Variants in PARN observed in about 807,000 individuals in gnomAD.
The protein encoded by PARN is poly(A)-specific ribonuclease PARN.
In PARN, 71 loss-of-function variants were observed where a neutral mutation model predicts 102.8. The observed-to-expected ratio is 0.69, with a 90% confidence interval of 0.57 to 0.84. The LOEUF (loss-of-function observed/expected upper bound fraction) is 0.84, where lower values mean the gene tolerates loss of function less well. Ranked by LOEUF, PARN falls within the 40% of genes least tolerant of loss-of-function variation. PARN has a pLI of 0.00. For synonymous variants in PARN, 261 were observed against 252.9 expected, an observed-to-expected ratio of 1.03 and a Z score of -0.30; for missense variants, 782 against 760.9, an observed-to-expected ratio of 1.03 and a Z score of -0.33.
chr16:14,568,314 G>A (rs1233161571), intron 18 of PARN, among the ~76,000 whole-genome samples: 1 of 150,642 alleles, frequency 6.6e-6, no homozygotes, highest in Non-Finnish European at 1.5e-5. Context: ...CCGGGTTCAA[G>A]CGATTCTTCC....
intron 22 of PARN, among the ~76,000 whole-genome samples, chr16:14,448,704 T>A (rs538510801): frequency 6.6e-6 from 1 of 152,236 alleles, no homozygotes; most frequent in African/African-American, 2.4e-5. Context: ...GTGCACTTGA[T>A]AGGACACTCA....
chr16:14,607,188 G>C (rs1971239476), intron 9 of PARN, among the ~76,000 whole-genome samples: 1 of 152,014 alleles, frequency 6.6e-6, no homozygotes, highest in Non-Finnish European at 1.5e-5. Context: ...AACTGAAATT[G>C]TGAAAGTCTT....
At chr16:14,542,309 T>C (rs1410711897) in intron 21 of PARN, among the ~76,000 whole-genome samples, 2 of 151,942 alleles carry the variant, frequency 1.3e-5, no homozygotes, top group Non-Finnish European at 2.9e-5. Flanking sequence ...CCTGGGCTTT[T>C]TTTTTTTTCT....
At chr16:14,475,051 C>G (rs766322958) in intron 22 of PARN, among the ~76,000 whole-genome samples, 3 of 152,134 alleles carry the variant, frequency 2.0e-5, no homozygotes, top group Non-Finnish European at 4.4e-5. Flanking sequence ...AGCAGGAATT[C>G]GGAGAGCTAC....
intron 18 of PARN, among the ~76,000 whole-genome samples, chr16:14,563,518 GTGTGTA>G (rs1337433642): frequency 1.8e-4 from 12 of 68,082 alleles, no homozygotes; most frequent in South Asian, 1.5e-3. Flanking sequence ...GTGTGTGTGT[GTGTGTA>G]TATAATTCTT....
At chr16:14,624,856 A>G (rs1972543953) in intron 5 of PARN, among the ~76,000 whole-genome samples, 1 of 152,192 alleles carries the variant, frequency 6.6e-6, no homozygotes, top group Non-Finnish European at 1.5e-5. Context: ...TTTCAAGACC[A>G]GCCTGACCAA....
chr16:14,505,502 C>T (rs925406652), intron 21 of PARN, among the ~76,000 whole-genome samples: 3 of 152,110 alleles, frequency 2.0e-5, no homozygotes. Flanking sequence ...CACACACACA[C>T]ATACACACAC....
chr16:14,533,414 GGGGAGACGGAGAGGGAGA>G (rs1567356272), intron 21 of PARN, among the ~76,000 whole-genome samples: 3 of 125,842 alleles, frequency 2.4e-5, no homozygotes, highest in Non-Finnish European at 3.3e-5. Context: ...GGGAGACCGT[GGGGAGACGGAGAGGGAGA>G]GGGAGAGGGA....
At chr16:14,604,102 T>C (rs1180498050) in intron 11 of PARN, 44 bp downstream of exon 11, 1 of 1,055,834 alleles carries the variant, frequency 9.5e-7, no homozygotes, top group Admixed American at 2.0e-5. Flanking sequence ...TCAATATTTA[T>C]GTTGCCATTT....
chr16:14,475,006 C>A (rs1026833521), intron 22 of PARN, among the ~76,000 whole-genome samples: 1 of 152,126 alleles, frequency 6.6e-6, no homozygotes. Context: ...ATCCAAAAAC[C>A]ACAGCTTTGA....
At chr16:14,603,195 T>C (rs1270991030) in intron 11 of PARN, among the ~76,000 whole-genome samples, 2 of 152,126 alleles carry the variant, frequency 1.3e-5, no homozygotes, top group Non-Finnish European at 2.9e-5. Context: ...AAAGTAGTGC[T>C]GCGATTACAG....
chr16:14,475,506 C>T (rs188922292), intron 22 of PARN, among the ~76,000 whole-genome samples: 29 of 152,262 alleles, frequency 1.9e-4, no homozygotes, highest in Admixed American at 5.2e-4. Context: ...CTCTTTTTTC[C>T]GGTTAACTAT....
intron 18 of PARN, among the ~76,000 whole-genome samples, chr16:14,557,273 A>G (rs1181109035): frequency 6.6e-6 from 1 of 151,914 alleles, no homozygotes; most frequent in Non-Finnish European, 1.5e-5. Flanking sequence ...TCAAAAGCCA[A>G]GCAGGGCCAG....
intron 22 of PARN, among the ~76,000 whole-genome samples, chr16:14,451,508 G>C (rs1000400656): frequency 6.6e-6 from 1 of 152,072 alleles, no homozygotes; most frequent in Non-Finnish European, 1.5e-5. Context: ...AACATTCTAA[G>C]TGAATGAAGC....
intron 21 of PARN, among the ~76,000 whole-genome samples, chr16:14,541,516 C>T (rs1027359872): frequency 3.9e-5 from 6 of 152,182 alleles, no homozygotes; most frequent in Non-Finnish European, 7.3e-5. Flanking sequence ...CGCTCTGTCA[C>T]CCAGGCTGGA....
rs1311707245 is a variant in PARN, at chr16:14,510,261, A to G, written c.1481-27434T>C. Among the ~76,000 whole-genome samples the G allele has an allele frequency of 5.9e-5, 9 of 152,380 alleles. No homozygotes were observed. In the South Asian group the frequency reaches 8.3e-4, roughly 14 times the overall value. ...ATGGGGTGATTAGTTTTGCCAAAAA[A>G]TAAGTCAACAAAAACTGCAGAAAAA... is the stretch of plus-strand genomic sequence containing the variant. On this transcript the variant is annotated intron_variant, in intron 21 of 23. Transcript: ENST00000437198.
chr16:14,457,906 G>T lies in PARN; in HGVS notation c.1671-10825C>A, dbSNP rs1961756668. Among the ~76,000 whole-genome samples, 4 of 139,298 alleles carry T rather than the reference G, an allele frequency of 2.9e-5. 1 individual carries two copies. In the South Asian group the frequency reaches 6.4e-4, roughly 22 times the overall value. 91.4% of individuals were successfully genotyped at this position (139,298 alleles called of 152,430 possible). Reference sequence around the variant, plus strand: ...TAAGGACATCTCTTGTGGAATAGGGGTGTGTGTGTGGGGGTGTGTGTGTGG... The same window carrying T: ...TAAGGACATCTCTTGTGGAATAGGGTTGTGTGTGTGGGGGTGTGTGTGTGG... On this transcript the variant is annotated intron_variant, in intron 22 of 23. Transcript: ENST00000437198.
In PARN at chr16:14,593,296, C is replaced by G; in HGVS notation, c.918+5G>C. 6.6e-7 allele frequency: 1 copy of G among 1,515,826 alleles called. No homozygotes were observed. 93.9% of individuals were successfully genotyped at this position (1,515,826 alleles called of 1,614,324 possible). A position where few individuals can be genotyped will look rare whatever the true frequency, so the allele number is the denominator to read the frequency against. Reference sequence around the variant, plus strand: ...ATATTAAACACAGACCAACAGGTCACTTACCGCAGGCAGAGGGCAGTAGAA... The same window carrying G: ...ATATTAAACACAGACCAACAGGTCAGTTACCGCAGGCAGAGGGCAGTAGAA... On this transcript the variant is annotated splice_donor_5th_base_variant and intron_variant, in intron 13 of 23. Transcript: ENST00000437198.
At chr16:14,468,618 G>A (rs528304718) in intron 22 of PARN, among the ~76,000 whole-genome samples, 7 of 152,196 alleles carry the variant, frequency 4.6e-5, no homozygotes, top group Non-Finnish European at 2.9e-5. Context: ...TATTCTGTTC[G>A]GAACCTGTGG....
Sources: allele counts gnomAD v4.1 joint callset (sites outside exome capture counted in the v4.1 genomes callset), GRCh38; gene constraint gnomAD v4.1.1; transcripts MANE v1.5; gene names NCBI Gene and HGNC (gene_info 2026-07-23, HGNC 2026-07-21).